The following ANGPT2 variants were observed in gnomAD, a reference collection of about 807,000 sequenced individuals.
ANGPT2 encodes the protein angiopoietin 2.
A neutral mutation model predicts 62.9 loss-of-function variants in ANGPT2; 28 were observed. The ratio of observed to expected loss-of-function variants is 0.44; its 90% CI spans 0.33 to 0.61. ANGPT2 has a LOEUF of 0.61. ANGPT2 is among the 20% of genes least tolerant of loss of function. The pLI is 0.03. For synonymous variants in ANGPT2, 284 were observed against 207.8 expected (o/e 1.37, Z -3.15); for missense variants, 727 against 594.9 (o/e 1.22, Z -2.31).
intron 1 of ANGPT2, among the ~76,000 whole-genome samples, chr8:6,556,905 C>G (rs1372606700): frequency 2.6e-5 from 4 of 152,094 alleles, no homozygotes; most frequent in Non-Finnish European, 5.9e-5. Flanking sequence ...ATTTTCTTCC[C>G]CCTCTGACTT....
intron 1 of ANGPT2, among the ~76,000 whole-genome samples, chr8:6,552,272 A>C (rs1404716611): frequency 6.6e-6 from 1 of 152,214 alleles, no homozygotes; most frequent in Non-Finnish European, 1.5e-5. Context: ...CTGAACCTGA[A>C]GGGATGAAAT....
rs111504746 is a variant in ANGPT2, at chr8:6,555,072, A to G, written c.288+7575T>C. On this transcript the variant is annotated intron_variant, in intron 1 of 8. Coordinates refer to ENST00000629816, the MANE Select transcript of ANGPT2 (RefSeq NM_001118887.2). The stretch of plus-strand genomic sequence containing the variant: ...ATAAAACAGTCATTTTAATTCCAAC[A>G]AATGGTTCATACTGGTATTCTAAAC... Among the ~76,000 whole-genome samples, 1,107 of 152,284 alleles carry G rather than the reference A, an allele frequency of 7.3e-3. 17 individuals carry two copies. Among genetic ancestry groups the G allele is most frequent in the African/African-American group, 0.025 (1,034 of 41,552 alleles).
At chr8:6,505,326 TAC>T (rs1813235334) in intron 8 of ANGPT2, among the ~76,000 whole-genome samples, 1 of 84,830 alleles carries the variant, frequency 1.2e-5, no homozygotes, top group Non-Finnish European at 2.0e-5. Flanking sequence ...ATATGTTATA[TAC>T]ATATAGAAAG....
intron 3 of ANGPT2, among the ~76,000 whole-genome samples, chr8:6,522,682 G>C (rs992159232): frequency 6.6e-6 from 1 of 151,524 alleles, no homozygotes; most frequent in African/African-American, 2.4e-5. Context: ...GCTGAGGCAG[G>C]AGAACTGCTT....
At chr8:6,507,401 T>C (rs2515409) in intron 8 of ANGPT2, among the ~76,000 whole-genome samples, 28,545 of 152,098 alleles carry the variant, frequency 0.19, 3,571 homozygotes, top group African/African-American at 0.36. Flanking sequence ...TTACATTCAT[T>C]TTGCACTATT....
chr8:6,512,005 A>G (rs988720268), intron 7 of ANGPT2, among the ~76,000 whole-genome samples: 2 of 151,776 alleles, frequency 1.3e-5, no homozygotes, highest in Non-Finnish European at 1.5e-5. Context: ...GTGTCTCAAA[A>G]TTCATTGAAG....
chr8:6,513,423 C>A (rs895331283), intron 7 of ANGPT2, among the ~76,000 whole-genome samples: 3 of 151,530 alleles, frequency 2.0e-5, no homozygotes, highest in African/African-American at 7.3e-5. Context: ...AGCTCCGCCT[C>A]CCGGGTTCAC....
chr8:6,540,336 A>G (rs879358311), intron 1 of ANGPT2, among the ~76,000 whole-genome samples: 11 of 152,194 alleles, frequency 7.2e-5, no homozygotes, highest in Non-Finnish European at 1.3e-4. Context: ...TAAAGTGGCT[A>G]TTTCTCATCA....
rs55633437 is a variant in ANGPT2, at chr8:6,521,263, C to A, written c.714G>T (p.Thr238=). The A allele has an allele frequency of 0.065, 104,204 of 1,613,712 alleles. 3,731 individuals carry two copies. The highest frequency in any genetic ancestry group is 0.11 in the African/African-American group (8,491 of 74,966). ...EELEKKIVTA[T]VNNSVLQKQQ... is the part of the protein sequence containing the mutation. ...GCTTCTGAAGAACTGAATTATTCACCGTGGCAGTCACTATTTTTTTTTCTA... is the reference window on the plus strand; with the variant it reads ...GCTTCTGAAGAACTGAATTATTCACAGTGGCAGTCACTATTTTTTTTTCTA... The change falls in exon 4 of 9, where the codon ACG becomes ACT. Residue 238 remains threonine (T), a synonymous_variant. Coordinates refer to ENST00000629816, the MANE Select transcript of ANGPT2 (RefSeq NM_001118887.2).
intron 3 of ANGPT2, among the ~76,000 whole-genome samples, chr8:6,523,228 A>T (rs888888174): frequency 6.6e-6 from 1 of 152,100 alleles, no homozygotes; most frequent in South Asian, 2.1e-4. Context: ...CGATCTCCTG[A>T]CCTCGTGATC....
At chr8:6,561,468 C>G (rs1825529457) in intron 1 of ANGPT2, among the ~76,000 whole-genome samples, 1 of 152,194 alleles carries the variant, frequency 6.6e-6, no homozygotes, top group Non-Finnish European at 1.5e-5. Flanking sequence ...GATTAGGCTC[C>G]AAGATCCGTT....
At chr8:6,539,465 G>T (rs2897911) in intron 1 of ANGPT2, among the ~76,000 whole-genome samples, 84,704 of 152,022 alleles carry the variant, frequency 0.56, 25,463 homozygotes, top group Non-Finnish European at 0.67. Context: ...ACTTCTCTTA[G>T]GGAGCACACT....
At position 6,527,684 on chromosome 8, in the gene ANGPT2, TA is replaced by T; in HGVS notation, c.445-9del. 1 of 1,597,910 alleles carries T rather than the reference TA, an allele frequency of 6.3e-7. No homozygotes were observed. The highest frequency in any genetic ancestry group is 8.5e-7 in the Non-Finnish European group (1 of 1,174,588). On this transcript the variant is annotated splice_polypyrimidine_tract_variant and intron_variant, in intron 2 of 8. Transcript: ENST00000629816. ...CGTGGTCTGATTTAATACCTAAATG[TA>T]ACAAAATGAAGTTCCTATTAATTAT...
intron 5 of ANGPT2, among the ~76,000 whole-genome samples, chr8:6,515,899 A>G (rs572921790): frequency 1.1e-4 from 17 of 152,328 alleles, no homozygotes; most frequent in African/African-American, 4.1e-4. Flanking sequence ...AGAGAGTGCT[A>G]TTCCTGTTCT....
chr8:6,510,711 A>G (rs1429837121), intron 7 of ANGPT2, among the ~76,000 whole-genome samples: 1 of 152,184 alleles, frequency 6.6e-6, no homozygotes, highest in Non-Finnish European at 1.5e-5. Context: ...GTGTTTCAAC[A>G]CTGGTGCACA....
chr8:6,512,407 G>C (rs544436219), intron 7 of ANGPT2, among the ~76,000 whole-genome samples: 1 of 152,262 alleles, frequency 6.6e-6, no homozygotes, highest in South Asian at 2.1e-4. Flanking sequence ...ATGAGATGAA[G>C]ACGAGACTGT....
At chr8:6,535,120 G>A (rs1201260131) in intron 1 of ANGPT2, among the ~76,000 whole-genome samples, 1 of 152,146 alleles carries the variant, frequency 6.6e-6, no homozygotes, top group Non-Finnish European at 1.5e-5. Flanking sequence ...TAAATAAAAA[G>A]TCTTAACCTC....
intron 5 of ANGPT2, 29 bp downstream of exon 5, chr8:6,519,835 G>A: frequency 1.2e-6 from 2 of 1,611,092 alleles, no homozygotes; most frequent in Non-Finnish European, 1.7e-6. Context: ...TAGAGCCAGG[G>A]AGTTAGTAAG....
At chr8:6,536,622 T>A (rs919869739) in intron 1 of ANGPT2, among the ~76,000 whole-genome samples, 1 of 152,144 alleles carries the variant, frequency 6.6e-6, no homozygotes, top group Non-Finnish European at 1.5e-5. Flanking sequence ...TAGTAGTAAT[T>A]TTTAGAGGTA....
Sources: gnomAD v4.1 joint callset for allele counts (sites outside exome capture counted in the v4.1 genomes callset) on GRCh38, gnomAD v4.1.1 for gene constraint, MANE v1.5 for transcripts, NCBI Gene and HGNC (gene_info 2026-07-23, HGNC 2026-07-21) for gene names.